The following GLS variants were observed in gnomAD, a reference collection of about 807,000 sequenced individuals.
GLS encodes glutaminase kidney isoform, mitochondrial.
Under a neutral mutation model 86.7 loss-of-function variants are expected in GLS, and 36 were observed. That is an observed-to-expected ratio of 0.42 (90% confidence interval 0.32 to 0.55). The LOEUF (loss-of-function observed/expected upper bound fraction) is 0.55. GLS is among the 20% of genes least tolerant of loss of function. The pLI, the probability that GLS is intolerant of heterozygous loss-of-function variation, is 0.17. For synonymous variants in GLS, 317 were observed against 305.9 expected, an observed-to-expected ratio of 1.04 and a Z score of -0.38; for missense variants, 528 against 833.4, an observed-to-expected ratio of 0.63 and a Z score of 4.51.
At chr2:190,928,038 C>CGA (rs138929681) in intron 12 of GLS, among the ~76,000 whole-genome samples, 104 of 150,056 alleles carry the variant, frequency 6.9e-4, no homozygotes, top group African/African-American at 1.5e-3. Flanking sequence ...ACATGTAAAA[C>CGA]GAGAGAGAGA....
chr2:190,911,366 T>C (rs192473522), intron 7 of GLS, among the ~76,000 whole-genome samples: 1 of 152,260 alleles, frequency 6.6e-6, no homozygotes, highest in Non-Finnish European at 1.5e-5. Context: ...AAGGCTGGTA[T>C]CTTAAGAATC....
chr2:190,913,435 T>C lies in GLS; in HGVS notation c.1038+3114T>C. The C allele has an allele frequency of 1.1e-6, 1 of 890,980 alleles. No homozygotes were observed. Among genetic ancestry groups the C allele is most frequent in the Non-Finnish European group, 1.4e-6 (1 of 712,554 alleles). 55.2% of individuals were successfully genotyped at this position (890,980 alleles called of 1,614,324 possible). A position where few individuals can be genotyped will look rare whatever the true frequency, so the allele number is the denominator to read the frequency against. ...ACATAATTTTTAAAAATCATAAGGGTATTATACTTCCTCTCTTTTTCTCTG... is the reference window on the plus strand; with the variant it reads ...ACATAATTTTTAAAAATCATAAGGGCATTATACTTCCTCTCTTTTTCTCTG... On this transcript the variant is annotated intron_variant, in intron 7 of 17. Coordinates refer to ENST00000320717, the MANE Select transcript of GLS (RefSeq NM_014905.5). The surrounding 1 kb of genome is among the most constrained non-coding windows in gnomAD (Gnocchi z 6.1).
At chr2:190,950,606 C>G (rs1370856478) in intron 14 of GLS, among the ~76,000 whole-genome samples, 1 of 152,134 alleles carries the variant, frequency 6.6e-6, no homozygotes, top group Non-Finnish European at 1.5e-5. Flanking sequence ...CTCAGCACCA[C>G]TGGGTAAAGA....
intron 1 of GLS, among the ~76,000 whole-genome samples, chr2:190,893,297 C>G (rs1186591790): frequency 6.6e-6 from 1 of 152,196 alleles, no homozygotes; most frequent in Non-Finnish European, 1.5e-5. Flanking sequence ...AGTTTGGATT[C>G]AGAAAAATCC....
chr2:190,918,959 C>T (rs1178752471), intron 7 of GLS, among the ~76,000 whole-genome samples: 1 of 151,854 alleles, frequency 6.6e-6, no homozygotes, highest in Non-Finnish European at 1.5e-5. Context: ...CTTGTGGTAC[C>T]CCAAAACAAG....
rs772135199 is a variant in GLS at position 190,881,046 on chromosome 2, A to G, written c.-39A>G. On this transcript the variant is annotated 5_prime_UTR_variant, in exon 1 of 18. Transcript: ENST00000320717. ...GAAACCGGCCGCCCACGCCCGGAGC[A>G]TCCTCCCCTGTTGAGCGGGCGCTGA... The G allele has an allele frequency of 2.0e-4, 307 of 1,530,560 alleles. 1 individual carries two copies. The highest frequency in any genetic ancestry group is 2.5e-4 in the Non-Finnish European group (286 of 1,143,792). The allele number at this position is 1,530,560 out of a possible 1,614,324, so 94.8% of individuals were successfully genotyped here.
chr2:190,883,169 A>G (rs73981359), intron 1 of GLS, among the ~76,000 whole-genome samples: 1 of 152,130 alleles, frequency 6.6e-6, no homozygotes, highest in East Asian at 1.9e-4. Flanking sequence ...TTCTGGTTTC[A>G]TTGCCTTTTT....
At chr2:190,944,260 G>A (rs1046639753) in intron 14 of GLS, among the ~76,000 whole-genome samples, 3 of 150,078 alleles carry the variant, frequency 2.0e-5, no homozygotes, top group South Asian at 2.1e-4. Flanking sequence ...TCTTAAATTC[G>A]CTTTTAAGTT....
At position 190,954,419 on chromosome 2, in the gene GLS, C is replaced by A. The variant is rs1690806394; in HGVS notation, c.1713-165C>A. Among the ~76,000 whole-genome samples the A allele has an allele frequency of 6.6e-6, 1 of 152,076 alleles. No individual in the cohort carries two copies. The highest frequency in any genetic ancestry group is 1.5e-5 in the Non-Finnish European group (1 of 68,014). ...AGGAAGAGAGGTGAAGTGGCATCTA[C>A]CCAAAACACCTGTGTACTGGTTAAT... On this transcript the variant is annotated intron_variant, in intron 15 of 17. Transcript: ENST00000320717. This position sits in a 1 kb window ranked among gnomAD's most constrained non-coding sequence, Gnocchi z 4.0.
chr2:190,892,739 G>T (rs1251403685), intron 1 of GLS, among the ~76,000 whole-genome samples: 1 of 152,086 alleles, frequency 6.6e-6, no homozygotes, highest in African/African-American at 2.4e-5. Context: ...AAAATCTGAG[G>T]TTTCAAATGC....
chr2:190,950,446 A>T (rs1690690336), intron 14 of GLS, among the ~76,000 whole-genome samples: 1 of 152,214 alleles, frequency 6.6e-6, no homozygotes. Flanking sequence ...GATTCCAAAC[A>T]TATTTTGCAG....
chr2:190,924,616 A>G lies in GLS; in HGVS notation c.1248+23A>G, dbSNP rs1689841836. 4 of 1,283,518 alleles carry G rather than the reference A, an allele frequency of 3.1e-6. No individual in the cohort carries two copies. The highest frequency in any genetic ancestry group is 2.3e-5 in the East Asian group (1 of 43,332). 79.5% of individuals were successfully genotyped at this position (1,283,518 alleles called of 1,614,324 possible). A position where few individuals can be genotyped will look rare whatever the true frequency, so the allele number is the denominator to read the frequency against. ...CAGGTAATCTAATTATGTAAATCGTATATATAAATGGATGTGTCGGCTGGG... is the reference window on the plus strand; with the variant it reads ...CAGGTAATCTAATTATGTAAATCGTGTATATAAATGGATGTGTCGGCTGGG... On this transcript the variant is annotated intron_variant, in intron 11 of 17. Coordinates refer to ENST00000320717, the MANE Select transcript of GLS (RefSeq NM_014905.5). This position sits in a 1 kb window ranked among gnomAD's most constrained non-coding sequence, Gnocchi z 5.2.
At position 190,935,003 on chromosome 2, in the gene GLS, G is replaced by A. The variant is rs552891857; in HGVS notation, c.1650+3366G>A. 1.0e-6 allele frequency: 1 copy of A among 952,506 alleles called. No individual in the cohort carries two copies. The highest frequency in any genetic ancestry group is 4.9e-5 in the South Asian group (1 of 20,566). The allele number at this position is 952,506 out of a possible 1,614,324, so 59.0% of individuals were successfully genotyped here. On this transcript the variant is annotated intron_variant, in intron 14 of 17. Coordinates refer to ENST00000320717, the MANE Select transcript of GLS (RefSeq NM_014905.5). The surrounding 1 kb of genome is among the most constrained non-coding windows in gnomAD (Gnocchi z 4.2). ...GTTCTTGATAGTACCCACTATTATT[G>A]GGTTTGTTTTATGCCATTATTGATT...
At chr2:190,910,430 T>C (rs1019777575) in intron 7 of GLS, 109 bp downstream of exon 7, 12 of 599,714 alleles carry the variant, frequency 2.0e-5, no homozygotes, top group Non-Finnish European at 3.6e-5. Flanking sequence ...AAATTTTCTC[T>C]TGGTGTTAAG....
intron 6 of GLS, among the ~76,000 whole-genome samples, chr2:190,906,932 T>G (rs1257287912): frequency 7.3e-6 from 1 of 137,354 alleles, no homozygotes; most frequent in Non-Finnish European, 1.6e-5. Flanking sequence ...ATTGTAGTAG[T>G]TTTTTTTTTT....
intron 14 of GLS, among the ~76,000 whole-genome samples, chr2:190,948,559 C>T: frequency 6.6e-6 from 1 of 152,068 alleles, no homozygotes; most frequent in East Asian, 1.9e-4. Flanking sequence ...TTCTTATATC[C>T]AGTCACTGAA....
Position 190,955,059 on chromosome 2 carries a change from G to A in GLS, c.1853+241G>A, listed in dbSNP as rs1253854830. ...TGATTTGACCATTAGTCAATACACT[G>A]TATGAACAAAACAATTTTTTTTTTG... On this transcript the variant is annotated intron_variant, in intron 17 of 17. Transcript: ENST00000320717. This position sits in a 1 kb window ranked among gnomAD's most constrained non-coding sequence, Gnocchi z 5.6. 6.6e-6 allele frequency among the ~76,000 whole-genome samples: 1 copy of A among 151,828 alleles called. No individual in the cohort carries two copies. Among genetic ancestry groups the A allele is most frequent in the South Asian group, 2.1e-4 (1 of 4,822 alleles).
Position 190,924,036 on chromosome 2 carries a change from A to G in GLS, c.1197+53A>G, listed in dbSNP as rs185861196. The G allele has an allele frequency of 2.8e-4, 248 of 878,412 alleles. No individual in the cohort carries two copies. Among genetic ancestry groups the G allele is most frequent in the Middle Eastern group, 4.9e-4 (2 of 4,062 alleles). The allele number at this position is 878,412 out of a possible 1,614,324, so 54.4% of individuals were successfully genotyped here. On this transcript the variant is annotated intron_variant, in intron 10 of 17. Coordinates refer to ENST00000320717, the MANE Select transcript of GLS (RefSeq NM_014905.5). The surrounding 1 kb of genome is among the most constrained non-coding windows in gnomAD (Gnocchi z 5.2). ...ATTATTCTTTCATTTAATAAAATAC[A>G]TGAAGATGTATGCTAAGAATTCAAC...
Position 190,881,011 on chromosome 2 carries a change from G to A in GLS, c.-74G>A, listed in dbSNP as rs928400944. On this transcript the variant is annotated 5_prime_UTR_variant, in exon 1 of 18. Coordinates refer to ENST00000320717, the MANE Select transcript of GLS (RefSeq NM_014905.5). ...ATCTCACCGCCCCACCACAGACCGC[G>A]TTCCCCGAGGAAACCGGCCGCCCAC... 4 of 1,473,664 alleles carry A rather than the reference G, an allele frequency of 2.7e-6. No individual in the cohort carries two copies. The highest frequency in any genetic ancestry group is 3.6e-6 in the Non-Finnish European group (4 of 1,099,530). 91.3% of individuals were successfully genotyped at this position (1,473,664 alleles called of 1,614,324 possible). A position where few individuals can be genotyped will look rare whatever the true frequency, so the allele number is the denominator to read the frequency against.
Sources: gnomAD v4.1 joint callset for allele counts (sites outside exome capture counted in the v4.1 genomes callset) on GRCh38, gnomAD v4.1.1 for gene constraint, Gnocchi (gnomAD v3.1) non-coding constraint, MANE v1.5 for transcripts, NCBI Gene and HGNC (gene_info 2026-07-23, HGNC 2026-07-21) for gene names.